The following NOP9 variants were observed in gnomAD, a reference collection of about 807,000 sequenced individuals.
NOP9 encodes the protein NOP9 nucleolar protein, also known as nucleolar protein 9.
In NOP9, 50 loss-of-function variants were observed where a neutral mutation model predicts 63.0. The observed-to-expected ratio is 0.79, with a 90% CI of 0.63 to 1.00. The LOEUF (loss-of-function observed/expected upper bound fraction) is 1.00. Ranked by LOEUF, NOP9 falls within the 50% of genes least tolerant of loss-of-function variation. The probability of loss-of-function intolerance (pLI) is 0.00; values close to 1 mark genes in which losing one functional copy is unlikely to be tolerated. For missense variants in NOP9, 758 were observed against 803.0 expected (o/e 0.94, Z 0.68); for synonymous variants, 343 against 332.8 (o/e 1.03, Z -0.33).
At chr14:24,291,468 A>C in the NOP9 span, 1 of 1,415,104 alleles carries the variant, frequency 7.1e-7, no homozygotes. Flanking sequence ...TTCCTCAACC[A>C]ACTCCCGAGC....
chr14:24,279,521 C>T, the NOP9 span, among the ~76,000 whole-genome samples: 1 of 152,154 alleles, frequency 6.6e-6, no homozygotes, highest in Non-Finnish European at 1.5e-5. Context: ...AGGGAAAGTC[C>T]CCACAAGAGC....
chr14:24,292,515 A>C, the NOP9 span: 2 of 1,528,736 alleles, frequency 1.3e-6, no homozygotes, highest in East Asian at 4.6e-5. Flanking sequence ...AAGCAAAGGA[A>C]CTGTCCATGG....
At chr14:24,289,947 A>G in the NOP9 span, among the ~76,000 whole-genome samples, 1 of 152,256 alleles carries the variant, frequency 6.6e-6, no homozygotes, top group Admixed American at 6.5e-5. Flanking sequence ...AAGATTTTGA[A>G]TAAGTAAAAT....
At chr14:24,275,908 T>C in the NOP9 span, among the ~76,000 whole-genome samples, 11 of 152,226 alleles carry the variant, frequency 7.2e-5, no homozygotes, top group Non-Finnish European at 1.2e-4. Flanking sequence ...GAGCTTACAG[T>C]GGCGTGTAGC....
In NOP9 at chr14:24,300,433, G is replaced by T; in HGVS notation, c.273G>T (p.Lys91Asn). The T allele has an allele frequency of 6.2e-7, 1 of 1,609,322 alleles. No individual in the cohort carries two copies. The highest frequency in any genetic ancestry group is 2.2e-5 in the East Asian group (1 of 44,862). ...ATCTGATGGTGCACAATATAATGAAGGAAGTAGAGACTCAGGCCCTAGCTT... is the reference window on the plus strand; with the variant it reads ...ATCTGATGGTGCACAATATAATGAATGAAGTAGAGACTCAGGCCCTAGCTT... ...ERDLMVHNIMKEVETQALALS... is the reference protein window; with the variant it reads ...ERDLMVHNIMNEVETQALALS... Residue 91 changes from lysine to asparagine, a missense_variant, in exon 2 of 10, where the codon AAG becomes AAT. Physicochemically the swap from Lys to Asn is moderately conservative, Grantham distance 94. Transcript: ENST00000267425.
the NOP9 span, chr14:24,291,685 T>C: frequency 6.6e-7 from 1 of 1,521,100 alleles, no homozygotes; most frequent in Non-Finnish European, 9.1e-7. Context: ...CCAGGTCTCC[T>C]CCCCATTTCA....
At chr14:24,299,782 G>C, upstream of NOP9, 1 of 770,782 alleles carries the variant, frequency 1.3e-6, no homozygotes, top group Non-Finnish European at 2.0e-6. Context: ...GAGCGATCTG[G>C]GTGACACACC....
At chr14:24,280,351 G>T in the NOP9 span, among the ~76,000 whole-genome samples, 2 of 152,130 alleles carry the variant, frequency 1.3e-5, no homozygotes, top group East Asian at 3.8e-4. Flanking sequence ...TGGGAGCTGG[G>T]GCTGTAGGTG....
the NOP9 span, chr14:24,290,686 C>T: frequency 2.9e-6 from 2 of 678,980 alleles, no homozygotes; most frequent in Non-Finnish European, 4.9e-6. Context: ...AAAACCAAGG[C>T]ACAAAGAAGG....
the NOP9 span, chr14:24,290,734 G>T: frequency 7.9e-7 from 1 of 1,272,386 alleles, no homozygotes; most frequent in Non-Finnish European, 1.1e-6. Context: ...CGGACACACA[G>T]CAGAGGGCTT....
the NOP9 span, chr14:24,290,636 T>TTTTTCAATA: frequency 3.9e-6 from 2 of 510,478 alleles, no homozygotes; most frequent in Non-Finnish European, 6.9e-6. Context: ...TCCAAGAGCA[T>TTTTTCAATA]TTTTCAATAC....
At chr14:24,299,313 T>G (rs2041323800), upstream of NOP9, 1 of 570,266 alleles carries the variant, frequency 1.8e-6, no homozygotes, top group Non-Finnish European at 3.1e-6. Context: ...CTGACTGTCT[T>G]TTGGGAGGCC....
At chr14:24,304,650 C>G (rs749242735) in intron 9 of NOP9, 52 bp downstream of exon 9, 4 of 1,359,372 alleles carry the variant, frequency 2.9e-6, no homozygotes, top group South Asian at 2.7e-5. Flanking sequence ...CTCTCTTACT[C>G]CAGATCACTG....
chr14:24,300,260 C>T lies in NOP9; in HGVS notation c.247+59C>T, dbSNP rs936159576. 5.0e-6 allele frequency: 8 copies of T among 1,595,984 alleles called. No homozygotes were observed. The African/African-American group carries it at 5.4e-5, about 11-fold the overall frequency. On this transcript the variant is annotated intron_variant, in intron 1 of 9. Coordinates refer to ENST00000267425, the MANE Select transcript of NOP9 (RefSeq NM_174913.3). The stretch of plus-strand genomic sequence containing the variant: ...ATCAAATCCAGGGCAGGCAAGGAAA[C>T]TTTCTAGGGTCGGCAGGGCGTGGGG...
chr14:24,275,630 A>G, the NOP9 span, among the ~76,000 whole-genome samples: 2 of 152,124 alleles, frequency 1.3e-5, no homozygotes, highest in Non-Finnish European at 2.9e-5. Context: ...CACAGACCAG[A>G]GAGTCTGGAG....
chr14:24,292,032 C>T, the NOP9 span: 7 of 1,001,712 alleles, frequency 7.0e-6, no homozygotes, highest in South Asian at 1.1e-4. Context: ...TGGTATCTCC[C>T]TTACAGGATT....
the NOP9 span, among the ~76,000 whole-genome samples, chr14:24,279,346 T>C: frequency 1.3e-5 from 2 of 152,338 alleles, no homozygotes; most frequent in East Asian, 3.9e-4. Flanking sequence ...TTCTCCCTGC[T>C]CCCCAGTTCC....
chr14:24,304,036 G>T lies in NOP9; in HGVS notation c.1411-5G>T. On this transcript the variant is annotated splice_polypyrimidine_tract_variant and splice_region_variant and intron_variant, in intron 7 of 9. Transcript: ENST00000267425. The stretch of plus-strand genomic sequence containing the variant: ...CCTCCTAATTTCTTATCTCTGCGCT[G>T]CCAGGTGGCAATGGCCGCAGCCAGA... 6.2e-7 allele frequency: 1 copy of T among 1,613,270 alleles called. No individual in the cohort carries two copies. The highest frequency in any genetic ancestry group is 8.5e-7 in the Non-Finnish European group (1 of 1,179,204).
In NOP9 at chr14:24,300,512, C is replaced by T. The variant is rs563998141; in HGVS notation, c.352C>T (p.Pro118Ser). Reference sequence around the variant, plus strand: ...GCTGCAGGAACTGTTGGGATTCAGTCCCTTGAAACCGCTTTGTCGCGTGTG... The same window carrying T: ...GCTGCAGGAACTGTTGGGATTCAGTTCCTTGAAACCGCTTTGTCGCGTGTG... ...EMLQELLGFS[P>S]LKPLCRVWAA... The change falls in exon 2 of 10, where the codon CCC becomes TCC. Residue 118 changes from proline to serine, a missense_variant. Transcript: ENST00000267425. The T allele has an allele frequency of 6.2e-7, 1 of 1,614,238 alleles. No individual in the cohort carries two copies. The highest frequency in any genetic ancestry group is 1.3e-5 in the African/African-American group (1 of 75,064).
Sources: gnomAD v4.1 joint callset for allele counts (sites outside exome capture counted in the v4.1 genomes callset) on GRCh38, gnomAD v4.1.1 for gene constraint, MANE v1.5 for transcripts, NCBI Gene and HGNC (gene_info 2026-07-23, HGNC 2026-07-21) for gene names.